KSR2: variants seen among roughly 807,000 people sequenced by gnomAD.
KSR2 encodes the protein kinase suppressor of ras 2.
KSR2 carries 25 observed loss-of-function variants against 107.8 expected under a neutral mutation model. That is an observed-to-expected ratio of 0.23 (90% CI 0.17 to 0.32). The LOEUF is 0.32. Ranked by LOEUF, KSR2 falls within the 10% of genes least tolerant of loss-of-function variation. The probability of loss-of-function intolerance (pLI) is 1.00; values close to 1 mark genes in which losing one functional copy is unlikely to be tolerated. For synonymous variants in KSR2, 480 were observed against 507.0 expected (o/e 0.95, Z 0.71); for missense variants, 887 against 1,268.9 (o/e 0.70, Z 4.57).
intron 1 of KSR2, among the ~76,000 whole-genome samples, chr12:117,871,825 T>TA (rs1354248000): frequency 2.4e-5 from 3 of 123,868 alleles, no homozygotes; most frequent in Non-Finnish European, 5.6e-5. Context: ...TTCAATAAGA[T>TA]ATGGATTTTT....
intron 5 of KSR2, among the ~76,000 whole-genome samples, chr12:117,612,143 G>T (rs766915535): frequency 6.6e-6 from 1 of 152,120 alleles, no homozygotes; most frequent in Non-Finnish European, 1.5e-5. Context: ...AGTGGCTCAC[G>T]CCTGTAATCC....
intron 13 of KSR2, among the ~76,000 whole-genome samples, chr12:117,525,719 G>C (rs1448147220): frequency 6.6e-6 from 1 of 152,178 alleles, no homozygotes; most frequent in African/African-American, 2.4e-5. Flanking sequence ...AAAACAATGG[G>C]TACATCGTGC....
chr12:117,831,123 G>A (rs763908608), intron 3 of KSR2, among the ~76,000 whole-genome samples: 1 of 152,066 alleles, frequency 6.6e-6, no homozygotes, highest in African/African-American at 2.4e-5. Flanking sequence ...TGCCCTTGCC[G>A]CTTTAAATCA....
intron 1 of KSR2, among the ~76,000 whole-genome samples, chr12:117,950,194 G>A (rs375704688): frequency 2.6e-5 from 4 of 151,816 alleles, no homozygotes; most frequent in East Asian, 3.9e-4. Context: ...GGGTGGTCTC[G>A]AACTCCTGAG....
intron 3 of KSR2, among the ~76,000 whole-genome samples, chr12:117,800,682 A>G (rs760873058): frequency 2.6e-5 from 4 of 152,200 alleles, no homozygotes; most frequent in Non-Finnish European, 5.9e-5. Context: ...TGCTGCACCT[A>G]TCAACCCGTC....
intron 9 of KSR2, among the ~76,000 whole-genome samples, chr12:117,552,779 G>C (rs911665891): frequency 1.3e-5 from 2 of 152,220 alleles, no homozygotes; most frequent in Non-Finnish European, 2.9e-5. Flanking sequence ...AGCAGCCACA[G>C]AAATATGGGT....
At chr12:117,607,094 T>C (rs1036481178) in intron 5 of KSR2, among the ~76,000 whole-genome samples, 1 of 152,184 alleles carries the variant, frequency 6.6e-6, no homozygotes, top group Non-Finnish European at 1.5e-5. Context: ...CACTGGCTCA[T>C]TGAGCTCAAT....
intron 5 of KSR2, among the ~76,000 whole-genome samples, chr12:117,635,343 T>C (rs1442274818): frequency 6.6e-6 from 1 of 152,088 alleles, no homozygotes. Flanking sequence ...AAGAGCAAAC[T>C]AAAAGAGATG....
intron 4 of KSR2, among the ~76,000 whole-genome samples, chr12:117,746,932 A>G (rs530560736): frequency 6.6e-6 from 1 of 152,318 alleles, no homozygotes; most frequent in South Asian, 2.1e-4. Flanking sequence ...TCAGGAAACA[A>G]TAGATGCTGG....
chr12:117,656,334 G>T (rs1884154302), intron 5 of KSR2, among the ~76,000 whole-genome samples: 1 of 152,200 alleles, frequency 6.6e-6, no homozygotes, highest in South Asian at 2.1e-4. Flanking sequence ...TTGTGGCCAG[G>T]CATGGTGGCT....
intron 1 of KSR2, among the ~76,000 whole-genome samples, chr12:117,951,632 C>T (rs1465354751): frequency 6.6e-6 from 1 of 152,128 alleles, no homozygotes; most frequent in Admixed American, 6.6e-5. Flanking sequence ...ACACACAGAG[C>T]AGGGGGATGC....
At chr12:117,671,380 C>G (rs1884900576) in intron 4 of KSR2, among the ~76,000 whole-genome samples, 1 of 152,230 alleles carries the variant, frequency 6.6e-6, no homozygotes. Context: ...GAGAGACAGA[C>G]AGATTGATGG....
At chr12:117,765,954 T>G (rs994487964) in intron 3 of KSR2, among the ~76,000 whole-genome samples, 1 of 152,220 alleles carries the variant, frequency 6.6e-6, no homozygotes, top group African/African-American at 2.4e-5. Context: ...ATCCCCTTTG[T>G]GCCCAGGCAT....
intron 14 of KSR2, among the ~76,000 whole-genome samples, chr12:117,515,370 G>A (rs1409725279): frequency 6.6e-6 from 1 of 152,120 alleles, no homozygotes; most frequent in Admixed American, 6.5e-5. Context: ...TTCATTGTCT[G>A]CTGCTACACT....
intron 4 of KSR2, among the ~76,000 whole-genome samples, chr12:117,717,716 T>C (rs1159246177): frequency 7.4e-6 from 1 of 134,510 alleles, no homozygotes; most frequent in Non-Finnish European, 1.6e-5. Context: ...TGTGTGTGCA[T>C]GCGCGCGCGT....
intron 1 of KSR2, among the ~76,000 whole-genome samples, chr12:117,913,252 A>G (rs1478365903): frequency 6.6e-6 from 1 of 152,120 alleles, no homozygotes; most frequent in African/African-American, 2.4e-5. Context: ...TGAGCCGTTC[A>G]TGTGTCAGTG....
At chr12:117,747,258 A>G (rs1888441970) in intron 4 of KSR2, among the ~76,000 whole-genome samples, 1 of 152,320 alleles carries the variant, frequency 6.6e-6, no homozygotes, top group Admixed American at 6.5e-5. Context: ...AGCCATAAAG[A>G]AGAATGAGAT....
At chr12:117,687,378 G>A (rs1351655528) in intron 4 of KSR2, among the ~76,000 whole-genome samples, 3 of 152,162 alleles carry the variant, frequency 2.0e-5, no homozygotes, top group African/African-American at 4.8e-5. Flanking sequence ...TTTTCCACGA[G>A]AGTTTGAAGA....
At chr12:117,642,382 T>C (rs902665005) in intron 5 of KSR2, among the ~76,000 whole-genome samples, 4 of 152,174 alleles carry the variant, frequency 2.6e-5, no homozygotes, top group Non-Finnish European at 5.9e-5. Context: ...GAGTTGGAAG[T>C]TGTCCTAGGG....
Sources: allele counts gnomAD v4.1 joint callset (sites outside exome capture counted in the v4.1 genomes callset), GRCh38; gene constraint gnomAD v4.1.1; transcripts MANE v1.5; gene names NCBI Gene and HGNC (gene_info 2026-07-23, HGNC 2026-07-21).